Variants in CRTC1 observed in about 807,000 individuals in gnomAD.
The protein encoded by CRTC1 is CREB-regulated transcription coactivator 1.
Under a neutral mutation model 66.1 loss-of-function variants are expected in CRTC1, and 18 were observed. The ratio of observed to expected loss-of-function variants is 0.27; its 90% confidence interval spans 0.19 to 0.40. The LOEUF is 0.40. Ranked by LOEUF, CRTC1 falls within the 10% of genes least tolerant of loss-of-function variation. The pLI is 1.00. For missense variants in CRTC1, 669 were observed against 887.9 expected, an observed-to-expected ratio of 0.75 and a Z score of 3.13; for synonymous variants, 416 against 398.8, an observed-to-expected ratio of 1.04 and a Z score of -0.51.
At chr19:18,747,165 C>A in intron 4 of CRTC1, 51 bp downstream of exon 4, 4 of 1,293,624 alleles carry the variant, frequency 3.1e-6, no homozygotes, top group South Asian at 1.2e-5. Context: ...GAAACAAAAC[C>A]AAACTCTCAT....
intron 1 of CRTC1, among the ~76,000 whole-genome samples, chr19:18,692,285 G>A (rs1385256474): frequency 6.6e-6 from 1 of 152,182 alleles, no homozygotes; most frequent in Non-Finnish European, 1.5e-5. Context: ...CTGTCCTGAT[G>A]TGAAGTCCAC....
At chr19:18,722,869 C>A (rs2053659245) in intron 1 of CRTC1, among the ~76,000 whole-genome samples, 1 of 152,120 alleles carries the variant, frequency 6.6e-6, no homozygotes, top group Non-Finnish European at 1.5e-5. Context: ...CACCATGTGG[C>A]CTTTTATGTC....
chr19:18,714,180 A>C (rs1243117610), intron 1 of CRTC1, among the ~76,000 whole-genome samples: 3 of 152,188 alleles, frequency 2.0e-5, no homozygotes, highest in African/African-American at 7.2e-5. Context: ...GGTGCCCCAG[A>C]AATCAGGAAT....
chr19:18,768,623 C>A lies in CRTC1; in HGVS notation c.1150C>A (p.Pro384Thr). 1 of 1,505,628 alleles carries A rather than the reference C, an allele frequency of 6.6e-7. No homozygotes were observed. Among genetic ancestry groups the A allele is most frequent in the Non-Finnish European group, 9.0e-7 (1 of 1,110,420 alleles). The allele number at this position is 1,505,628 out of a possible 1,614,324, so 93.3% of individuals were successfully genotyped here. A position where few individuals can be genotyped will look rare whatever the true frequency, so the allele number is the denominator to read the frequency against. Residue 384 changes from proline (P) to threonine (T), a missense_variant, in exon 10 of 14, where the codon CCA becomes ACA. By Grantham distance (38) the Pro-to-Thr change is conservative. This residue lies in a region of CRTC1 where 241 missense variants were observed against 242.2 expected (regional missense o/e 0.99). Transcript: ENST00000321949. This position sits in a 1 kb window ranked among gnomAD's most constrained non-coding sequence, Gnocchi z 5.6. ...CGCGTCCCAGCAGCCACCACCCCCG[C>A]CACCCCCACAGGCGCCCGTCCGCCT... ...PPASQQPPPPPPPQAPVRLPP... is the reference protein window; with the variant it reads ...PPASQQPPPPTPPQAPVRLPP...
chr19:18,688,466 GC>G (rs34413040), intron 1 of CRTC1, among the ~76,000 whole-genome samples: 1 of 151,456 alleles, frequency 6.6e-6, no homozygotes, highest in African/African-American at 2.4e-5. Context: ...TTGAGGAGGA[GC>G]CCCCCCTGTC....
At position 18,768,136 on chromosome 19, in the gene CRTC1, CAG is replaced by C. The variant is rs950750916; in HGVS notation, c.1012-348_1012-347del. On this transcript the variant is annotated intron_variant, in intron 9 of 13. Coordinates refer to ENST00000321949, the MANE Select transcript of CRTC1 (RefSeq NM_015321.3). This position sits in a 1 kb window ranked among gnomAD's most constrained non-coding sequence, Gnocchi z 5.6. ...ACTTGAGGTTTCCCCGCAGCACCCACAGGGGCTGGGAGCTGGCTGCTCACTGA... is the reference window on the plus strand; with the variant it reads ...ACTTGAGGTTTCCCCGCAGCACCCACGGGCTGGGAGCTGGCTGCTCACTGA... 1.3e-5 allele frequency among the ~76,000 whole-genome samples: 2 copies of C among 152,230 alleles called. No individual in the cohort carries two copies. Among genetic ancestry groups the C allele is most frequent in the Non-Finnish European group, 2.9e-5 (2 of 68,040 alleles).
intron 1 of CRTC1, among the ~76,000 whole-genome samples, chr19:18,727,812 C>A (rs1310121854): frequency 1.3e-5 from 2 of 151,960 alleles, no homozygotes; most frequent in African/African-American, 4.8e-5. Flanking sequence ...ACCTCTGCCT[C>A]CCAGGTTCAG....
intron 4 of CRTC1, among the ~76,000 whole-genome samples, chr19:18,748,672 C>G (rs1210479523): frequency 6.7e-6 from 1 of 149,184 alleles, no homozygotes; most frequent in Non-Finnish European, 1.5e-5. Context: ...TGTACACCAG[C>G]CTGGGGGGCA....
chr19:18,718,399 C>T (rs953291537), intron 1 of CRTC1, among the ~76,000 whole-genome samples: 8 of 152,120 alleles, frequency 5.3e-5, no homozygotes, highest in Admixed American at 3.9e-4. Flanking sequence ...TGCAGTGGTA[C>T]GATCACAGCT....
chr19:18,779,255 G>T lies in CRTC1; in HGVS notation c.*1873G>T, dbSNP rs2055056818. ...GTCCTCAGAGCTGGGTTTGATCCTA[G>T]CAACCATCCCTTCCTCTCTTTGCCC... On this transcript the variant is annotated 3_prime_UTR_variant, in exon 14 of 14. Transcript: ENST00000321949. 1 of 230,074 alleles carries T rather than the reference G, an allele frequency of 4.3e-6. No individual in the cohort carries two copies. Among genetic ancestry groups the T allele is most frequent in the Non-Finnish European group, 8.6e-6 (1 of 116,104 alleles). The allele number at this position is 230,074 out of a possible 1,614,324, so 14.3% of individuals were successfully genotyped here. A position where few individuals can be genotyped will look rare whatever the true frequency, so the allele number is the denominator to read the frequency against.
At chr19:18,743,463 C>T (rs962910567) in intron 2 of CRTC1, among the ~76,000 whole-genome samples, 5 of 152,244 alleles carry the variant, frequency 3.3e-5, no homozygotes, top group African/African-American at 7.2e-5. Context: ...GCCGCACAGC[C>T]GCCGTGCACA....
intron 1 of CRTC1, among the ~76,000 whole-genome samples, chr19:18,710,252 G>A (rs1487511757): frequency 6.6e-6 from 1 of 152,082 alleles, no homozygotes; most frequent in African/African-American, 2.4e-5. Flanking sequence ...CAGCTGCCCG[G>A]CCCATGCCCA....
chr19:18,712,609 C>T (rs1283992807), intron 1 of CRTC1, among the ~76,000 whole-genome samples: 1 of 152,146 alleles, frequency 6.6e-6, no homozygotes, highest in East Asian at 1.9e-4. Flanking sequence ...AGTACCTTCT[C>T]AATATTGTAC....
chr19:18,753,494 C>T lies in CRTC1; in HGVS notation c.539-6C>T. ...GATTCTCCTTCTCCCCCTCCCACCTCCCCAGTCTTACTGTTAACAGTCCCA... is the reference window on the plus strand; with the variant it reads ...GATTCTCCTTCTCCCCCTCCCACCTTCCCAGTCTTACTGTTAACAGTCCCA... On this transcript the variant is annotated splice_polypyrimidine_tract_variant and splice_region_variant and intron_variant, in intron 5 of 13. Transcript: ENST00000321949. 1 of 1,603,248 alleles carries T rather than the reference C, an allele frequency of 6.2e-7. No individual in the cohort carries two copies. The highest frequency in any genetic ancestry group is 1.7e-5 in the Admixed American group (1 of 57,970).
At chr19:18,721,513 T>A (rs1181982793) in intron 1 of CRTC1, among the ~76,000 whole-genome samples, 11 of 86,144 alleles carry the variant, frequency 1.3e-4, no homozygotes, top group East Asian at 6.9e-4. Context: ...TTTTTTTTTT[T>A]AAACAAGGTC....
rs552371211 is a variant in CRTC1 at position 18,780,335 on chromosome 19, C to T, written c.*2953C>T. On this transcript the variant is annotated 3_prime_UTR_variant, in exon 14 of 14. Coordinates refer to ENST00000321949, the MANE Select transcript of CRTC1 (RefSeq NM_015321.3). ...CCCTCCTGAGAGCATGGCGTCCCCA[C>T]CTTCCTGTTTCGCCGACGTCACTAC... is the stretch of plus-strand genomic sequence containing the variant. The T allele has an allele frequency of 2.6e-5, 6 of 232,088 alleles. No homozygotes were observed. The highest frequency in any genetic ancestry group is 8.8e-5 in the African/African-American group (4 of 45,374). 14.4% of individuals were successfully genotyped at this position (232,088 alleles called of 1,614,324 possible). A position where few individuals can be genotyped will look rare whatever the true frequency, so the allele number is the denominator to read the frequency against.
chr19:18,716,340 C>T (rs1306578929), intron 1 of CRTC1, among the ~76,000 whole-genome samples: 1 of 152,050 alleles, frequency 6.6e-6, no homozygotes, highest in Non-Finnish European at 1.5e-5. Context: ...GCAGTCTCCA[C>T]CTCCCAGGTT....
chr19:18,757,886 C>T (rs185328282), intron 6 of CRTC1, among the ~76,000 whole-genome samples: 5 of 150,180 alleles, frequency 3.3e-5, no homozygotes, highest in South Asian at 2.1e-4. Flanking sequence ...GGCGTGGTGG[C>T]GGGTGCCTGT....
intron 1 of CRTC1, among the ~76,000 whole-genome samples, chr19:18,715,293 T>C (rs1282881467): frequency 6.6e-6 from 1 of 152,118 alleles, no homozygotes; most frequent in African/African-American, 2.4e-5. Flanking sequence ...AGTGGTGCGA[T>C]CTCGGCTCAC....
Sources: gnomAD v4.1 joint callset for allele counts (sites outside exome capture counted in the v4.1 genomes callset) on GRCh38, gnomAD v4.1.1 for gene constraint, gnomAD v4.1.1 regional missense constraint, Gnocchi (gnomAD v3.1) non-coding constraint, MANE v1.5 for transcripts, NCBI Gene and HGNC (gene_info 2026-07-23, HGNC 2026-07-21) for gene names.